The following CAMKMT variants were observed in gnomAD, a reference collection of about 807,000 sequenced individuals.
CAMKMT encodes CaM KMT.
Under a neutral mutation model 48.0 loss-of-function variants are expected in CAMKMT, and 53 were observed. The ratio of observed to expected loss-of-function variants is 1.10; its 90% CI spans 0.89 to 1.39. CAMKMT has a LOEUF of 1.39. Among genes scored for constraint, CAMKMT ranks in the 40% most tolerant of loss-of-function variants. CAMKMT has a pLI of 0.00. For missense variants in CAMKMT, 428 were observed against 402.7 expected (o/e 1.06, Z -0.54); for synonymous variants, 165 against 152.3 (o/e 1.08, Z -0.61).
intron 3 of CAMKMT, among the ~76,000 whole-genome samples, chr2:44,589,980 T>C (rs1572869356): frequency 6.7e-6 from 1 of 150,268 alleles, no homozygotes; most frequent in African/African-American, 2.5e-5. Context: ...GTTATTTGTG[T>C]ATTGACCTTG....
chr2:44,566,980 T>G (rs1321527525), intron 3 of CAMKMT, among the ~76,000 whole-genome samples: 1 of 152,088 alleles, frequency 6.6e-6, no homozygotes, highest in African/African-American at 2.4e-5. Context: ...GTAGCAGAAT[T>G]TGGGTGTCAT....
intron 3 of CAMKMT, among the ~76,000 whole-genome samples, chr2:44,663,891 G>A (rs1674816135): frequency 6.6e-6 from 1 of 152,036 alleles, no homozygotes; most frequent in African/African-American, 2.4e-5. Flanking sequence ...TTCTTGTGGG[G>A]GAAGATAAAT....
intron 6 of CAMKMT, among the ~76,000 whole-genome samples, chr2:44,708,211 A>ATTTTTTTTTTTTTTTTTTTTTTTTTT (rs59281575): frequency 1.5e-5 from 1 of 68,194 alleles, no homozygotes; most frequent in East Asian, 5.5e-4. Flanking sequence ...TTTGCTTTGG[A>ATTTTTTTTTTTTTTTTTTTTTTTTTT]TTTTTTTTTT....
At chr2:44,527,422 A>G (rs1221489443) in intron 3 of CAMKMT, among the ~76,000 whole-genome samples, 3 of 68,774 alleles carry the variant, frequency 4.4e-5, no homozygotes, top group African/African-American at 1.8e-4. Context: ...TATTATATAT[A>G]TATATATATT....
chr2:44,654,184 G>T (rs1469459681), intron 3 of CAMKMT, among the ~76,000 whole-genome samples: 1 of 152,066 alleles, frequency 6.6e-6, no homozygotes, highest in Non-Finnish European at 1.5e-5. Context: ...AATTTCCAAG[G>T]TAAATCTCAA....
At chr2:44,673,441 A>AG (rs1372827640) in intron 3 of CAMKMT, among the ~76,000 whole-genome samples, 5 of 147,068 alleles carry the variant, frequency 3.4e-5, no homozygotes, top group African/African-American at 7.7e-5. Context: ...AAAAAAAAAA[A>AG]AGAGAGAGAG....
chr2:44,399,732 G>T (rs569587311), intron 3 of CAMKMT, among the ~76,000 whole-genome samples: 107 of 152,010 alleles, frequency 7.0e-4, no homozygotes, highest in Non-Finnish European at 1.2e-3. Context: ...ATAGAATTGA[G>T]GAAGACGGCT....
At chr2:44,470,604 C>T (rs971982735) in intron 3 of CAMKMT, among the ~76,000 whole-genome samples, 13 of 152,132 alleles carry the variant, frequency 8.5e-5, no homozygotes, top group Non-Finnish European at 1.8e-4. Flanking sequence ...TTAAAAAGTA[C>T]GTTTACTGTC....
chr2:44,662,130 A>C (rs2104087196), intron 3 of CAMKMT, among the ~76,000 whole-genome samples: 1 of 152,318 alleles, frequency 6.6e-6, no homozygotes, highest in African/African-American at 2.4e-5. Flanking sequence ...GTGTTTGAAG[A>C]CAGTTCCCAT....
chr2:44,667,208 C>T (rs1211788717), intron 3 of CAMKMT, among the ~76,000 whole-genome samples: 1 of 152,184 alleles, frequency 6.6e-6, no homozygotes, highest in Non-Finnish European at 1.5e-5. Context: ...AGGGCCTTAG[C>T]TTCTAGCTAA....
chr2:44,496,558 A>G (rs1395858245), intron 3 of CAMKMT, among the ~76,000 whole-genome samples: 1 of 152,220 alleles, frequency 6.6e-6, no homozygotes, highest in Admixed American at 6.5e-5. Context: ...CAGGCACACA[A>G]TAAATATTAG....
At chr2:44,424,335 C>T (rs116583713) in intron 3 of CAMKMT, among the ~76,000 whole-genome samples, 2,146 of 152,200 alleles carry the variant, frequency 0.014, 32 homozygotes, top group Non-Finnish European at 0.018. Context: ...AAGGTCCAAG[C>T]TCCCCAAAGT....
intron 3 of CAMKMT, among the ~76,000 whole-genome samples, chr2:44,597,994 C>CACCCAGCTAATTTTTGTACTTTTGGT (rs1670767765): frequency 6.6e-6 from 1 of 151,232 alleles, no homozygotes; most frequent in African/African-American, 2.5e-5. Context: ...CTCGGCCTCC[C>CACCCAGCTAATTTTTGTACTTTTGGT]AAATTGCTGG....
intron 3 of CAMKMT, among the ~76,000 whole-genome samples, chr2:44,438,351 T>C (rs1285539610): frequency 6.6e-6 from 1 of 152,238 alleles, no homozygotes; most frequent in Non-Finnish European, 1.5e-5. Flanking sequence ...TGAATATAAT[T>C]GGTTTTGAAA....
chr2:44,566,274 T>G (rs1668610268), intron 3 of CAMKMT, among the ~76,000 whole-genome samples: 1 of 152,146 alleles, frequency 6.6e-6, no homozygotes, highest in Admixed American at 6.5e-5. Flanking sequence ...CAAGCCAAAT[T>G]GAGTTTCTAG....
At chr2:44,551,357 A>C (rs923803941) in intron 3 of CAMKMT, among the ~76,000 whole-genome samples, 1 of 152,188 alleles carries the variant, frequency 6.6e-6, no homozygotes, top group Non-Finnish European at 1.5e-5. Flanking sequence ...TGGCTTATGC[A>C]TAAGATTGGA....
At chr2:44,767,992 G>C (rs1028210352) in intron 10 of CAMKMT, among the ~76,000 whole-genome samples, 3 of 152,156 alleles carry the variant, frequency 2.0e-5, no homozygotes. Context: ...CATTGTGCCT[G>C]ATACCCTCCG....
chr2:44,753,944 C>A, intron 8 of CAMKMT, 111 bp from the exon 9 acceptor site: 2 of 755,092 alleles, frequency 2.6e-6, no homozygotes, highest in Non-Finnish European at 4.5e-6. Context: ...AACAATTTCT[C>A]TTTTTTAGCG....
chr2:44,513,929 C>T (rs1270418610), intron 3 of CAMKMT, among the ~76,000 whole-genome samples: 3 of 151,796 alleles, frequency 2.0e-5, no homozygotes, highest in Admixed American at 6.6e-5. Context: ...GATGAAACCC[C>T]GTCTCTACAA....
Sources: gnomAD v4.1 joint callset for allele counts (sites outside exome capture counted in the v4.1 genomes callset) on GRCh38, gnomAD v4.1.1 for gene constraint, MANE v1.5 for transcripts, NCBI Gene and HGNC (gene_info 2026-07-23, HGNC 2026-07-21) for gene names.